KCNIP4: variants seen among roughly 807,000 people sequenced by gnomAD.
The protein encoded by KCNIP4 is Kv channel-interacting protein 4.
Under a neutral mutation model 34.0 loss-of-function variants are expected in KCNIP4, and 12 were observed. The observed-to-expected ratio is 0.35, with a 90% confidence interval of 0.23 to 0.57. The LOEUF (loss-of-function observed/expected upper bound fraction) is 0.57. Ranked by LOEUF, KCNIP4 falls within the 20% of genes least tolerant of loss-of-function variation. The pLI, the probability that KCNIP4 is intolerant of heterozygous loss-of-function variation, is 0.83. For missense variants in KCNIP4, 238 were observed against 311.7 expected, an observed-to-expected ratio of 0.76 and a Z score of 1.78; for synonymous variants, 124 against 102.2, an observed-to-expected ratio of 1.21 and a Z score of -1.29.
At chr4:21,513,730 A>G (rs907434207) in intron 1 of KCNIP4, among the ~76,000 whole-genome samples, 8 of 152,310 alleles carry the variant, frequency 5.3e-5, no homozygotes, top group East Asian at 3.9e-4. Flanking sequence ...ATCATTCTCT[A>G]TTAACTGCTC....
chr4:21,634,591 C>T (rs1745997033), intron 1 of KCNIP4, among the ~76,000 whole-genome samples: 2 of 152,126 alleles, frequency 1.3e-5, no homozygotes, highest in South Asian at 2.1e-4. Context: ...ACACAATTTG[C>T]AAAGTTATGA....
rs188918611 is a variant in KCNIP4 at position 20,862,772 on chromosome 4, G to A, written c.164-12105C>T. The stretch of plus-strand genomic sequence containing the variant: ...AGAAAACATGGTACATATACACCAC[G>A]GAATACTATGCAGCCATAAAAAAGA... On this transcript the variant is annotated intron_variant, in intron 2 of 8. Coordinates refer to ENST00000382152, the MANE Select transcript of KCNIP4 (RefSeq NM_025221.6). Among the ~76,000 whole-genome samples the A allele has an allele frequency of 3.6e-3, 547 of 152,218 alleles. 9 individuals are homozygous for A. Among genetic ancestry groups the A allele is most frequent in the Middle Eastern group, 0.02 (6 of 294 alleles).
At chr4:21,346,622 T>G (rs535972201) in intron 1 of KCNIP4, among the ~76,000 whole-genome samples, 1 of 152,098 alleles carries the variant, frequency 6.6e-6, no homozygotes, top group East Asian at 1.9e-4. Context: ...TTAAGGATCT[T>G]TATGCTTCAC....
chr4:21,847,182 A>C (rs1463330526), intron 1 of KCNIP4: 1 of 152,034 alleles, frequency 6.6e-6, no homozygotes, highest in Non-Finnish European at 1.5e-5. Context: ...CCTTTTTTCC[A>C]TACTTGATCT....
Position 21,926,583 on chromosome 4 carries a change from C to A in KCNIP4, c.61+21988G>T, listed in dbSNP as rs74741075. ...TTACAGTTGCCAGTCCTAAATTTCT[C>A]CAAAACCATCAATTTACCAATGAGA... is the stretch of plus-strand genomic sequence containing the variant. On this transcript the variant is annotated intron_variant, in intron 1 of 8. Coordinates refer to ENST00000382152, the MANE Select transcript of KCNIP4 (RefSeq NM_025221.6). Among the ~76,000 whole-genome samples, 1,338 of 152,212 alleles carry A rather than the reference C, an allele frequency of 8.8e-3. 10 individuals carry two copies. The highest frequency in any genetic ancestry group is 0.023 in the Admixed American group (349 of 15,272).
intron 1 of KCNIP4, among the ~76,000 whole-genome samples, chr4:20,960,714 G>A (rs1004082305): frequency 6.6e-6 from 1 of 152,132 alleles, no homozygotes; most frequent in African/African-American, 2.4e-5. Flanking sequence ...ACAAAGTGCT[G>A]GTGTTTTAGG....
chr4:21,330,085 A>T (rs1423848731), intron 1 of KCNIP4, among the ~76,000 whole-genome samples: 1 of 152,240 alleles, frequency 6.6e-6, no homozygotes, highest in Non-Finnish European at 1.5e-5. Context: ...ATATCTAATT[A>T]TATGAGGACT....
At chr4:21,664,762 T>C (rs1378078397) in intron 1 of KCNIP4, among the ~76,000 whole-genome samples, 1 of 152,194 alleles carries the variant, frequency 6.6e-6, no homozygotes, top group Non-Finnish European at 1.5e-5. Flanking sequence ...ATGCCACCTA[T>C]AGACTATTTT....
At chr4:21,183,337 TTTTTCCTTTGGATATATTTA>T (rs1172073470) in intron 1 of KCNIP4, among the ~76,000 whole-genome samples, 9 of 152,188 alleles carry the variant, frequency 5.9e-5, no homozygotes, top group Non-Finnish European at 1.3e-4. Context: ...CAATTTATTT[TTTTTCCTTTGGATATATTTA>T]TTTTCCTTTG....
At chr4:21,481,206 C>A (rs28684641) in intron 1 of KCNIP4, among the ~76,000 whole-genome samples, 15 of 152,082 alleles carry the variant, frequency 9.9e-5, no homozygotes, top group African/African-American at 3.4e-4. Context: ...GCAGTGAGTT[C>A]AAGGGTTTTG....
chr4:21,720,482 G>A (rs1007637332), intron 1 of KCNIP4, among the ~76,000 whole-genome samples: 1 of 150,714 alleles, frequency 6.6e-6, no homozygotes, highest in Non-Finnish European at 1.5e-5. Flanking sequence ...TACAGTAAAA[G>A]AGAATGACTC....
At chr4:21,332,220 C>A (rs12643913) in intron 1 of KCNIP4, among the ~76,000 whole-genome samples, 166 of 152,034 alleles carry the variant, frequency 1.1e-3, no homozygotes, top group Middle Eastern at 0.01. Context: ...ATATTAACCC[C>A]TCTGTTGGGA....
chr4:21,489,810 C>T (rs1450598966), intron 1 of KCNIP4, among the ~76,000 whole-genome samples: 1 of 151,990 alleles, frequency 6.6e-6, no homozygotes, highest in Non-Finnish European at 1.5e-5. Context: ...TCTTTAATCC[C>T]AAACTGTTCA....
rs1054165905 is a variant in KCNIP4, at chr4:21,660,575, T to C, written c.61+287996A>G. On this transcript the variant is annotated intron_variant, in intron 1 of 8. Coordinates refer to ENST00000382152, the MANE Select transcript of KCNIP4 (RefSeq NM_025221.6). ...TAAGTGCAGCTCAGGGGAATTTCAA[T>C]AGTAGACTAACATGCCCTACTTCTG... is the stretch of plus-strand genomic sequence containing the variant. Among the ~76,000 whole-genome samples, 8 of 152,130 alleles carry C rather than the reference T, an allele frequency of 5.3e-5. No individual in the cohort carries two copies. The East Asian group carries it at 9.7e-4, about 18-fold the overall frequency.
intron 1 of KCNIP4, among the ~76,000 whole-genome samples, chr4:21,550,298 A>C (rs1738469748): frequency 6.6e-6 from 1 of 152,062 alleles, no homozygotes; most frequent in African/African-American, 2.4e-5. Context: ...TGTGACTATT[A>C]ACATTGGAAG....
intron 1 of KCNIP4, among the ~76,000 whole-genome samples, chr4:20,928,562 T>TA (rs1005123552): frequency 5.4e-5 from 8 of 149,208 alleles, no homozygotes; most frequent in Non-Finnish European, 7.5e-5. Context: ...CTCAAGAAAC[T>TA]AAAAAAAAGA....
At chr4:20,938,328 A>G (rs1352000912) in intron 1 of KCNIP4, among the ~76,000 whole-genome samples, 1 of 152,056 alleles carries the variant, frequency 6.6e-6, no homozygotes, top group Non-Finnish European at 1.5e-5. Flanking sequence ...TGGCTGACTC[A>G]GAGACCAGCT....
intron 1 of KCNIP4, among the ~76,000 whole-genome samples, chr4:21,734,273 T>C (rs1715824079): frequency 6.6e-6 from 1 of 152,136 alleles, no homozygotes; most frequent in Non-Finnish European, 1.5e-5. Flanking sequence ...TCTGTTGTCC[T>C]TGAAGTGCTA....
At chr4:21,800,792 A>G (rs1182028192) in intron 1 of KCNIP4, among the ~76,000 whole-genome samples, 1 of 152,246 alleles carries the variant, frequency 6.6e-6, no homozygotes, top group African/African-American at 2.4e-5. Context: ...TTGCAGGTAT[A>G]GCAGAATATA....
Sources: gnomAD v4.1 joint callset for allele counts (sites outside exome capture counted in the v4.1 genomes callset) on GRCh38, gnomAD v4.1.1 for gene constraint, MANE v1.5 for transcripts, NCBI Gene and HGNC (gene_info 2026-07-23, HGNC 2026-07-21) for gene names.